The following TMPRSS2 variants were observed in gnomAD, a reference collection of about 807,000 sequenced individuals.
TMPRSS2 encodes the protein transmembrane protease serine 2.
TMPRSS2 carries 59 observed loss-of-function variants against 67.4 expected under a neutral mutation model. That is an observed-to-expected ratio of 0.88 (90% CI 0.71 to 1.09). The LOEUF (loss-of-function observed/expected upper bound fraction) is 1.09. Among genes scored for constraint, TMPRSS2 ranks in the 50% least tolerant of loss-of-function variants. The pLI, the probability that TMPRSS2 is intolerant of heterozygous loss-of-function variation, is 0.00. For synonymous variants in TMPRSS2, 257 were observed against 257.0 expected, an observed-to-expected ratio of 1.00 and a Z score of 0.00; for missense variants, 668 against 642.7, an observed-to-expected ratio of 1.04 and a Z score of -0.43.
At chr21:41,488,274 T>G in intron 5 of TMPRSS2, 120 bp downstream of exon 5, 14 of 1,195,864 alleles carry the variant, frequency 1.2e-5, no homozygotes, top group South Asian at 3.2e-5. Context: ...AGGGATTCAA[T>G]GACATCATGT....
chr21:41,473,461 T>C lies in TMPRSS2; in HGVS notation c.763A>G (p.Arg255Gly). The change falls in exon 9 of 14, where the codon AGG becomes GGG. Residue 255 changes from arginine (R) to glycine (G), a missense_variant. Physicochemically the swap from Arg to Gly is moderately radical, Grantham distance 125. Coordinates refer to ENST00000332149, the MANE Select transcript of TMPRSS2 (RefSeq NM_005656.4). ...AGCGCGCTCTCGCCGCCCACAATCCTGCTCTGGCGGCTTGAGTTCAAGTTG... is the reference window on the plus strand; with the variant it reads ...AGCGCGCTCTCGCCGCCCACAATCCCGCTCTGGCGGCTTGAGTTCAAGTTG... ...GVNLNSSRQS[R>G]IVGGESALPG... 6.2e-7 allele frequency: 1 copy of C among 1,609,860 alleles called. No homozygotes were observed. Among genetic ancestry groups the C allele is most frequent in the Non-Finnish European group, 8.5e-7 (1 of 1,178,752 alleles).
At chr21:41,498,044 C>T in intron 2 of TMPRSS2, 75 bp downstream of exon 2, 3 of 1,206,308 alleles carry the variant, frequency 2.5e-6, no homozygotes, top group South Asian at 2.6e-5. Flanking sequence ...ATTGCTGACC[C>T]CAAACAATGT....
At chr21:41,468,715 T>C (rs2091105323) in intron 11 of TMPRSS2, 177 bp from the exon 12 acceptor site, 3 of 637,410 alleles carry the variant, frequency 4.7e-6, no homozygotes, top group African/African-American at 3.7e-5. Context: ...ACCTGGATTC[T>C]CCTTACAACT....
rs775850899 is a variant in TMPRSS2 at position 41,476,669 on chromosome 21, T to G, written c.684-49A>C. On this transcript the variant is annotated intron_variant, in intron 7 of 13. Transcript: ENST00000332149. ...CTGGTCACGATAGTGCGGAGTCACC[T>G]GCCTCTCACATGCTTAGAAATCAGT... The G allele has an allele frequency of 8.0e-6, 12 of 1,493,286 alleles. No individual in the cohort carries two copies. The African/African-American group carries it at 1.4e-4, about 17-fold the overall frequency. The allele number at this position is 1,493,286 out of a possible 1,614,324, so 92.5% of individuals were successfully genotyped here.
intron 8 of TMPRSS2, 139 bp from the exon 9 acceptor site, chr21:41,473,635 T>C: frequency 2.1e-6 from 2 of 945,698 alleles, no homozygotes; most frequent in Admixed American, 2.8e-5. Context: ...CTTAGGGGGC[T>C]CCTGGGGGTC....
chr21:41,479,103 C>T (rs1016063138), intron 7 of TMPRSS2, 69 bp downstream of exon 7: 1 of 1,224,420 alleles, frequency 8.2e-7, no homozygotes, highest in Admixed American at 1.7e-5. Context: ...AGACTCAGGA[C>T]AACGATTCCC....
chr21:41,468,876 T>C (rs2091106924), intron 11 of TMPRSS2: 1 of 262,074 alleles, frequency 3.8e-6, no homozygotes, highest in African/African-American at 2.1e-5. Context: ...CACTCCTCAC[T>C]GAACCCCACC....
intron 5 of TMPRSS2, among the ~76,000 whole-genome samples, chr21:41,481,232 A>G (rs2091255084): frequency 6.6e-6 from 1 of 150,984 alleles, no homozygotes; most frequent in Non-Finnish European, 1.5e-5. Flanking sequence ...AAGATACACA[A>G]TGGAATACGA....
intron 5 of TMPRSS2, among the ~76,000 whole-genome samples, chr21:41,483,871 T>C (rs9980225): frequency 0.098 from 14,845 of 151,850 alleles, 1,113 homozygotes; most frequent in Non-Finnish European, 0.13. Flanking sequence ...GGTTCATGCC[T>C]GTAATCTCAG....
chr21:41,479,529 C>A (rs2091240855), intron 6 of TMPRSS2, among the ~76,000 whole-genome samples: 1 of 152,130 alleles, frequency 6.6e-6, no homozygotes, highest in Non-Finnish European at 1.5e-5. Flanking sequence ...GATCAAGAAA[C>A]TATGAGAAGG....
At chr21:41,506,965 C>T (rs2091462438) in intron 1 of TMPRSS2, among the ~76,000 whole-genome samples, 1 of 152,174 alleles carries the variant, frequency 6.6e-6, no homozygotes. Flanking sequence ...CTGGGTGCTC[C>T]CTGCCCACAG....
chr21:41,480,263 G>T (rs1296474961), intron 6 of TMPRSS2, among the ~76,000 whole-genome samples: 1 of 152,250 alleles, frequency 6.6e-6, no homozygotes, highest in Non-Finnish European at 1.5e-5. Context: ...CCAAGGAGGA[G>T]GCAGGGCAAG....
intron 11 of TMPRSS2, chr21:41,468,838 A>C: frequency 3.2e-6 from 1 of 312,558 alleles, no homozygotes; most frequent in Non-Finnish European, 6.1e-6. Context: ...TATTCACCCA[A>C]CGGCTTGGTT....
chr21:41,494,439 T>G lies in TMPRSS2; in HGVS notation c.155A>C (p.Tyr52Ser), dbSNP rs765172184. The G allele has an allele frequency of 6.2e-7, 1 of 1,613,334 alleles. No individual in the cohort carries two copies. The highest frequency in any genetic ancestry group is 8.5e-7 in the Non-Finnish European group (1 of 1,179,814). ...AGCCTGCGTCAGGACCCTCGGGGCG[T>G]ACTGGGGCACGGGGGACGGGTAGTA... is the stretch of plus-strand genomic sequence containing the variant. ...AQYYPSPVPQ[Y>S]APRVLTQASN... The change falls in exon 3 of 14, where the codon TAC becomes TCC. Residue 52 changes from tyrosine (Y) to serine (S), a missense_variant. Coordinates refer to ENST00000332149, the MANE Select transcript of TMPRSS2 (RefSeq NM_005656.4).
intron 3 of TMPRSS2, among the ~76,000 whole-genome samples, chr21:41,493,820 G>A (rs1174580176): frequency 6.6e-6 from 1 of 152,214 alleles, no homozygotes; most frequent in Non-Finnish European, 1.5e-5. Context: ...TCCCACGCTC[G>A]CTCTGGCCTG....
intron 8 of TMPRSS2, 80 bp from the exon 9 acceptor site, chr21:41,473,576 G>A: frequency 6.9e-7 from 1 of 1,455,146 alleles, no homozygotes; most frequent in South Asian, 1.3e-5. Flanking sequence ...CCTCCCAAGG[G>A]TCTCCCAGGC....
Position 41,470,225 on chromosome 21 carries a change from T to C in TMPRSS2, c.1171+423A>G, listed in dbSNP as rs376499029. The stretch of plus-strand genomic sequence containing the variant: ...AGTGGGTGGAGAGAGCCTCTCTCTG[T>C]GGTTATCAGGGCAGAGGACAGGCTT... On this transcript the variant is annotated intron_variant, in intron 11 of 13. Transcript: ENST00000332149. Among the ~76,000 whole-genome samples the C allele has an allele frequency of 1.1e-3, 160 of 152,206 alleles. 2 individuals are homozygous for C. Among genetic ancestry groups the C allele is most frequent in the African/African-American group, 3.7e-3 (155 of 41,526 alleles).
At chr21:41,485,946 C>T (rs539528622) in intron 5 of TMPRSS2, among the ~76,000 whole-genome samples, 1 of 152,328 alleles carries the variant, frequency 6.6e-6, no homozygotes, top group South Asian at 2.1e-4. Flanking sequence ...CCAGGACTGA[C>T]AGCGAGGGCT....
chr21:41,480,630 G>A (rs2146452422), intron 5 of TMPRSS2, 28 bp from the exon 6 acceptor site: 1 of 1,612,480 alleles, frequency 6.2e-7, no homozygotes, highest in Non-Finnish European at 8.5e-7. Flanking sequence ...TTATCCATGA[G>A]TTTCTTTCTT....
Sources: gnomAD v4.1 joint callset for allele counts (sites outside exome capture counted in the v4.1 genomes callset) on GRCh38, gnomAD v4.1.1 for gene constraint, MANE v1.5 for transcripts, NCBI Gene and HGNC (gene_info 2026-07-23, HGNC 2026-07-21) for gene names.